The following GSE1 variants were observed in gnomAD, a reference collection of about 807,000 sequenced individuals.
GSE1 encodes the protein genetic suppressor element 1.
Under a neutral mutation model 112.6 loss-of-function variants are expected in GSE1, and 32 were observed. The observed-to-expected ratio is 0.28, with a 90% confidence interval of 0.21 to 0.38. The LOEUF is 0.38. Among genes scored for constraint, GSE1 ranks in the 10% least tolerant of loss-of-function variants. The probability of loss-of-function intolerance (pLI) is 1.00; values close to 1 mark genes in which losing one functional copy is unlikely to be tolerated. For missense variants in GSE1, 2,348 were observed against 1,699.2 expected, an observed-to-expected ratio of 1.38 and a Z score of -6.71; for synonymous variants, 1,115 against 735.6, an observed-to-expected ratio of 1.52 and a Z score of -8.35.
intron 2 of GSE1, among the ~76,000 whole-genome samples, chr16:85,417,807 C>T (rs1334634056): frequency 6.6e-6 from 1 of 152,244 alleles, no homozygotes; most frequent in Non-Finnish European, 1.5e-5. Flanking sequence ...TTTCTGATTC[C>T]ATGGGTCTGA....
At chr16:85,200,497 C>G (rs2075007660) in intron 1 of GSE1, among the ~76,000 whole-genome samples, 1 of 152,066 alleles carries the variant, frequency 6.6e-6, no homozygotes, top group Non-Finnish European at 1.5e-5. Context: ...GAGGCAGAGC[C>G]TGAACCCAGG....
chr16:85,475,957 G>T (rs763321654), intron 2 of GSE1, among the ~76,000 whole-genome samples: 1 of 151,818 alleles, frequency 6.6e-6, no homozygotes, highest in Non-Finnish European at 1.5e-5. Context: ...TTGAGACATG[G>T]TCTCTCTCTG....
At chr16:85,306,123 C>G (rs2045671351) in intron 1 of GSE1, 1 of 154,266 alleles carries the variant, frequency 6.5e-6, no homozygotes. Context: ...TAAAGGTCCC[C>G]TGGTGATTTG....
intron 2 of GSE1, chr16:85,490,635 C>T (rs1038074087): frequency 6.6e-6 from 1 of 152,192 alleles, no homozygotes; most frequent in Non-Finnish European, 1.5e-5. Flanking sequence ...GGCCACACCA[C>T]GAGTGGATGC....
intron 2 of GSE1, among the ~76,000 whole-genome samples, chr16:85,635,429 G>C (rs577389991): frequency 6.6e-6 from 1 of 152,356 alleles, no homozygotes; most frequent in African/African-American, 2.4e-5. Flanking sequence ...GGCCCCACCT[G>C]TGTCAAGAGG....
At chr16:85,493,790 C>CAAA (rs61555687) in intron 2 of GSE1, among the ~76,000 whole-genome samples, 28 of 84,376 alleles carry the variant, frequency 3.3e-4, no homozygotes, top group Non-Finnish European at 4.6e-4. Flanking sequence ...GACTCCGTCT[C>CAAA]AAAAAAAAAA....
chr16:85,601,705 T>A (rs56663774), intron 1 of GSE1, among the ~76,000 whole-genome samples: 15,260 of 152,180 alleles, frequency 0.1, 2,485 homozygotes, highest in African/African-American at 0.34. Context: ...AGACCAAATT[T>A]TAAGGACATA....
intron 2 of GSE1, among the ~76,000 whole-genome samples, chr16:85,374,539 TGTGTGC>T (rs146882636): frequency 0.25 from 9,390 of 37,700 alleles, 413 homozygotes; most frequent in East Asian, 0.49. Flanking sequence ...TGTGTGTGTG[TGTGTGC>T]GCGCGCGCGT....
chr16:85,203,834 C>G (rs1200271271), intron 1 of GSE1, among the ~76,000 whole-genome samples: 1 of 152,194 alleles, frequency 6.6e-6, no homozygotes, highest in Non-Finnish European at 1.5e-5. Flanking sequence ...GCCTCCTGGG[C>G]TCAGGCGATC....
chr16:85,206,400 T>A (rs2075117118), intron 1 of GSE1, among the ~76,000 whole-genome samples: 1 of 152,024 alleles, frequency 6.6e-6, no homozygotes, highest in Non-Finnish European at 1.5e-5. Flanking sequence ...CAAGGAGAAC[T>A]GGAATGAAGC....
intron 2 of GSE1, among the ~76,000 whole-genome samples, chr16:85,391,448 G>T (rs190182933): frequency 1.2e-4 from 18 of 152,248 alleles, no homozygotes; most frequent in African/African-American, 4.1e-4. Context: ...AAATCAAGGG[G>T]TTGGCAGGGC....
intron 2 of GSE1, among the ~76,000 whole-genome samples, chr16:85,453,692 G>A (rs915665859): frequency 2.6e-5 from 4 of 152,108 alleles, no homozygotes; most frequent in South Asian, 2.1e-4. Context: ...AAGAGGGGGC[G>A]CCACTGCCTT....
At chr16:85,270,852 C>T (rs1426823401) in intron 1 of GSE1, among the ~76,000 whole-genome samples, 2 of 152,168 alleles carry the variant, frequency 1.3e-5, no homozygotes, top group Admixed American at 1.3e-4. Context: ...GGCAGCCCAT[C>T]CATCCCAGGC....
At chr16:85,429,905 G>T (rs2049079803) in intron 2 of GSE1, among the ~76,000 whole-genome samples, 1 of 152,244 alleles carries the variant, frequency 6.6e-6, no homozygotes, top group African/African-American at 2.4e-5. Context: ...TCCTTGCTGA[G>T]CTGTCAGCTC....
At chr16:85,239,246 T>C (rs566776974) in intron 1 of GSE1, among the ~76,000 whole-genome samples, 3 of 152,246 alleles carry the variant, frequency 2.0e-5, no homozygotes, top group Admixed American at 2.0e-4. Flanking sequence ...AGTGGCCTTT[T>C]TTAGCGAAAG....
chr16:85,196,246 G>C (rs971941375), intron 1 of GSE1, among the ~76,000 whole-genome samples: 4 of 152,186 alleles, frequency 2.6e-5, no homozygotes, highest in African/African-American at 9.7e-5. Context: ...GAAATGTTGA[G>C]TAATGTGCAT....
chr16:85,231,916 A>G (rs538618942), intron 1 of GSE1, among the ~76,000 whole-genome samples: 3 of 152,380 alleles, frequency 2.0e-5, no homozygotes, highest in African/African-American at 7.2e-5. Context: ...GGGATACCCA[A>G]TGTTGACATC....
intron 2 of GSE1, among the ~76,000 whole-genome samples, chr16:85,384,010 A>G (rs1417303331): frequency 1.3e-5 from 2 of 152,208 alleles, no homozygotes; most frequent in Non-Finnish European, 2.9e-5. Context: ...CTTTCCCTCC[A>G]GAATCCAGTT....
At chr16:85,602,741 C>A (rs1318039962) in intron 1 of GSE1, among the ~76,000 whole-genome samples, 1 of 152,196 alleles carries the variant, frequency 6.6e-6, no homozygotes, top group Non-Finnish European at 1.5e-5. Flanking sequence ...GAAGACAGTT[C>A]CTCCCGGGCT....
Sources: gnomAD v4.1 joint callset for allele counts (sites outside exome capture counted in the v4.1 genomes callset) on GRCh38, gnomAD v4.1.1 for gene constraint, MANE v1.5 for transcripts, NCBI Gene and HGNC (gene_info 2026-07-23, HGNC 2026-07-21) for gene names.